Variants in EPHA3 observed in about 807,000 individuals in gnomAD.
EPHA3 encodes the protein EPH receptor A3, also known as ephrin type-A receptor 3.
EPHA3 carries 42 observed loss-of-function variants against 107.1 expected under a neutral mutation model. The ratio of observed to expected loss-of-function variants is 0.39; its 90% CI spans 0.31 to 0.51. The LOEUF (loss-of-function observed/expected upper bound fraction) is 0.51, where lower values mean the gene tolerates loss of function less well. Among genes scored for constraint, EPHA3 ranks in the 20% least tolerant of loss-of-function variants. The pLI is 0.78. For synonymous variants in EPHA3, 461 were observed against 424.8 expected (o/e 1.09, Z -1.05); for missense variants, 1,183 against 1,211.2 (o/e 0.98, Z 0.35).
In EPHA3 at chr3:89,481,724, C is replaced by A. The variant is rs945477036; in HGVS notation, c.*2222C>A. The A allele has an allele frequency of 1.3e-5, 3 of 231,466 alleles. No homozygotes were observed. Among genetic ancestry groups the A allele is most frequent in the Non-Finnish European group, 2.6e-5 (3 of 116,896 alleles). 14.3% of individuals were successfully genotyped at this position (231,466 alleles called of 1,614,324 possible). On this transcript the variant is annotated 3_prime_UTR_variant, in exon 17 of 17. Coordinates refer to ENST00000336596, the MANE Select transcript of EPHA3 (RefSeq NM_005233.6). ...TAAATTTACTTTACACAATTCTTAC[C>A]CTGTACATATGTAAACATAAGTGTA...
intron 3 of EPHA3, among the ~76,000 whole-genome samples, chr3:89,297,491 G>C (rs1706383266): frequency 6.6e-6 from 1 of 152,094 alleles, no homozygotes; most frequent in Non-Finnish European, 1.5e-5. Context: ...TATGGGCATG[G>C]TTCATGCTAT....
chr3:89,184,981 G>T (rs2107127557), intron 2 of EPHA3, among the ~76,000 whole-genome samples: 1 of 152,130 alleles, frequency 6.6e-6, no homozygotes, highest in Admixed American at 6.6e-5. Context: ...AAATTAAAAA[G>T]CCAACTTCTT....
At chr3:89,435,215 A>C (rs1709643407) in intron 13 of EPHA3, among the ~76,000 whole-genome samples, 1 of 151,908 alleles carries the variant, frequency 6.6e-6, no homozygotes, top group Non-Finnish European at 1.5e-5. Flanking sequence ...CTCTTTTGGA[A>C]TTATATTTAA....
chr3:89,393,070 C>T (rs1240167151), intron 5 of EPHA3, among the ~76,000 whole-genome samples: 1 of 152,070 alleles, frequency 6.6e-6, no homozygotes, highest in Non-Finnish European at 1.5e-5. Context: ...AAGTACCGGG[C>T]TTCCAGCTGG....
intron 13 of EPHA3, among the ~76,000 whole-genome samples, chr3:89,447,738 AT>A (rs1355997644): frequency 3.3e-5 from 5 of 152,272 alleles, no homozygotes; most frequent in Middle Eastern, 3.4e-3. Flanking sequence ...AAGACTAAAT[AT>A]TTTACTGAAA....
chr3:89,377,605 C>T (rs1402008426), intron 5 of EPHA3, among the ~76,000 whole-genome samples: 2 of 152,114 alleles, frequency 1.3e-5, no homozygotes, highest in African/African-American at 4.8e-5. Flanking sequence ...GACTACCAGA[C>T]TTTGTAAACT....
intron 3 of EPHA3, among the ~76,000 whole-genome samples, chr3:89,275,759 T>G (rs569065289): frequency 1.7e-4 from 26 of 152,220 alleles, no homozygotes; most frequent in African/African-American, 5.8e-4. Flanking sequence ...GTTTTCTGAC[T>G]CTGTATCACG....
At chr3:89,212,352 T>G (rs978424829) in intron 3 of EPHA3, among the ~76,000 whole-genome samples, 7 of 151,932 alleles carry the variant, frequency 4.6e-5, no homozygotes, top group Non-Finnish European at 5.9e-5. Flanking sequence ...GTTGTTTTTT[T>G]GGGGAGGATG....
chr3:89,268,744 G>T (rs183533878), intron 3 of EPHA3, among the ~76,000 whole-genome samples: 1 of 151,988 alleles, frequency 6.6e-6, no homozygotes, highest in African/African-American at 2.4e-5. Context: ...ATCAGCTGAG[G>T]TATTAGAATT....
At chr3:89,230,247 G>A (rs1367078663) in intron 3 of EPHA3, among the ~76,000 whole-genome samples, 2 of 152,124 alleles carry the variant, frequency 1.3e-5, no homozygotes, top group Middle Eastern at 3.4e-3. Flanking sequence ...AATACTTAAG[G>A]TAAAATTTTT....
intron 3 of EPHA3, among the ~76,000 whole-genome samples, chr3:89,322,518 A>G (rs956305309): frequency 3.3e-5 from 5 of 152,146 alleles, no homozygotes; most frequent in African/African-American, 9.7e-5. Flanking sequence ...AAAGTCATAC[A>G]TGTTTGGAAA....
chr3:89,325,845 T>G (rs1416715178), intron 3 of EPHA3, among the ~76,000 whole-genome samples: 1 of 151,764 alleles, frequency 6.6e-6, no homozygotes, highest in African/African-American at 2.4e-5. Context: ...TAAAAAAAGT[T>G]TCCTTAGTAA....
At chr3:89,197,992 A>C (rs1320688395) in intron 2 of EPHA3, among the ~76,000 whole-genome samples, 1 of 152,132 alleles carries the variant, frequency 6.6e-6, no homozygotes, top group East Asian at 1.9e-4. Flanking sequence ...ATAAAAATAA[A>C]AAAATAAATA....
At chr3:89,118,821 T>C (rs907134541) in intron 1 of EPHA3, among the ~76,000 whole-genome samples, 3 of 151,952 alleles carry the variant, frequency 2.0e-5, no homozygotes, top group African/African-American at 4.8e-5. Context: ...AGATGTCAAA[T>C]TCAATGGGAT....
intron 13 of EPHA3, among the ~76,000 whole-genome samples, chr3:89,443,020 G>A (rs1410410417): frequency 1.3e-5 from 2 of 152,038 alleles, no homozygotes; most frequent in Non-Finnish European, 2.9e-5. Context: ...ATACATAGAT[G>A]TATATCTCTA....
At chr3:89,231,389 AC>A (rs1017915648) in intron 3 of EPHA3, among the ~76,000 whole-genome samples, 6 of 152,180 alleles carry the variant, frequency 3.9e-5, no homozygotes, top group African/African-American at 1.2e-4. Context: ...AATGAAAACA[AC>A]CTAGATTTTA....
At chr3:89,297,158 A>G (rs1363585170) in intron 3 of EPHA3, among the ~76,000 whole-genome samples, 1 of 152,164 alleles carries the variant, frequency 6.6e-6, no homozygotes, top group Admixed American at 6.6e-5. Flanking sequence ...TAGTTTGTTC[A>G]ATAGATTAGT....
At chr3:89,310,747 G>C (rs1449555547) in intron 3 of EPHA3, among the ~76,000 whole-genome samples, 1 of 151,890 alleles carries the variant, frequency 6.6e-6, no homozygotes, top group East Asian at 1.9e-4. Flanking sequence ...TGAATTCCCT[G>C]ATAATTCATC....
chr3:89,117,082 A>G (rs1396743727), intron 1 of EPHA3, among the ~76,000 whole-genome samples: 1 of 152,090 alleles, frequency 6.6e-6, no homozygotes, highest in African/African-American at 2.4e-5. Flanking sequence ...AAGCAAATAG[A>G]GAATTGTGGG....
Sources: allele counts gnomAD v4.1 joint callset (sites outside exome capture counted in the v4.1 genomes callset), GRCh38; gene constraint gnomAD v4.1.1; transcripts MANE v1.5; gene names NCBI Gene and HGNC (gene_info 2026-07-23, HGNC 2026-07-21).